Variants in SLC25A21 observed in about 807,000 individuals in gnomAD.
SLC25A21 encodes the protein solute carrier family 25 member 21.
In SLC25A21, 47 loss-of-function variants were observed where a neutral mutation model predicts 43.8. That is an observed-to-expected ratio of 1.07 (90% CI 0.85 to 1.37). The LOEUF is 1.37. SLC25A21 is among the 40% of genes most tolerant of loss of function. The pLI is 0.00. For synonymous variants in SLC25A21, 131 were observed against 121.3 expected, an observed-to-expected ratio of 1.08 and a Z score of -0.52; for missense variants, 352 against 350.2, an observed-to-expected ratio of 1.00 and a Z score of -0.04.
chr14:36,679,569 G>T lies in SLC25A21; in HGVS notation c.*1089C>A. The T allele has an allele frequency of 1.0e-6, 1 of 985,326 alleles. No individual in the cohort carries two copies. The highest frequency in any genetic ancestry group is 1.2e-6 in the Non-Finnish European group (1 of 829,860). The allele number at this position is 985,326 out of a possible 1,614,324, so 61.0% of individuals were successfully genotyped here. A position where few individuals can be genotyped will look rare whatever the true frequency, so the allele number is the denominator to read the frequency against. ...CAAGGAGATATTTTTGTTGATACAT[G>T]TTAGTATAGTAATCCTTAGAAATGC... On this transcript the variant is annotated 3_prime_UTR_variant, in exon 10 of 10. Coordinates refer to ENST00000331299, the MANE Select transcript of SLC25A21 (RefSeq NM_030631.4).
At chr14:37,136,724 TGA>T (rs761399150) in intron 1 of SLC25A21, among the ~76,000 whole-genome samples, 2 of 151,800 alleles carry the variant, frequency 1.3e-5, no homozygotes, top group African/African-American at 2.4e-5. Context: ...ATTCAGCAAT[TGA>T]AAAAAAATGA....
chr14:36,772,200 T>A (rs1886644599), intron 3 of SLC25A21, among the ~76,000 whole-genome samples: 2 of 152,188 alleles, frequency 1.3e-5, no homozygotes, highest in African/African-American at 2.4e-5. Flanking sequence ...TCTTGTAGCC[T>A]GGCACTCAGC....
intron 7 of SLC25A21, among the ~76,000 whole-genome samples, chr14:36,685,434 G>A (rs1336056500): frequency 1.3e-5 from 2 of 152,264 alleles, no homozygotes; most frequent in African/African-American, 2.4e-5. Flanking sequence ...TTATTTTCAC[G>A]TGTAGCTGAT....
chr14:36,891,392 T>C (rs1247074481), intron 1 of SLC25A21, among the ~76,000 whole-genome samples: 1 of 152,176 alleles, frequency 6.6e-6, no homozygotes, highest in Non-Finnish European at 1.5e-5. Context: ...AATTCTGTAT[T>C]CACTCAGTGA....
At chr14:36,893,250 G>A (rs1891132828) in intron 1 of SLC25A21, among the ~76,000 whole-genome samples, 2 of 152,196 alleles carry the variant, frequency 1.3e-5, no homozygotes, top group African/African-American at 4.8e-5. Flanking sequence ...TCTAACTGGT[G>A]TGAGATGATA....
intron 2 of SLC25A21, among the ~76,000 whole-genome samples, chr14:36,847,913 A>G (rs1594637494): frequency 7.1e-6 from 1 of 141,112 alleles, no homozygotes; most frequent in East Asian, 2.0e-4. Flanking sequence ...TGGAAGCGGT[A>G]TGAAGGCTGG....
intron 1 of SLC25A21, among the ~76,000 whole-genome samples, chr14:36,907,131 G>A (rs550710236): frequency 1.6e-4 from 24 of 152,172 alleles, no homozygotes; most frequent in Non-Finnish European, 2.2e-4. Context: ...TAATTGAGAT[G>A]CTATGGAGGA....
chr14:36,686,534 T>G (rs563893577), intron 7 of SLC25A21, among the ~76,000 whole-genome samples: 1 of 152,294 alleles, frequency 6.6e-6, no homozygotes, highest in African/African-American at 2.4e-5. Flanking sequence ...TTAACTCCTA[T>G]CTTACCTCTA....
At position 36,734,313 on chromosome 14, in the gene SLC25A21, T is replaced by TA. The variant is rs978783088; in HGVS notation, c.270+193dup. 2.0e-4 allele frequency among the ~76,000 whole-genome samples: 30 copies of TA among 152,302 alleles called. 1 individual carries two copies. Among genetic ancestry groups the TA allele is most frequent in the African/African-American group, 7.0e-4 (29 of 41,574 alleles). ...TTAGAATGGAATGCTTTTACCTGAT[T>TA]AAAAAAATCTACAAATTGATCTACA... On this transcript the variant is annotated intron_variant, in intron 4 of 9. Coordinates refer to ENST00000331299, the MANE Select transcript of SLC25A21 (RefSeq NM_030631.4).
intron 3 of SLC25A21, among the ~76,000 whole-genome samples, chr14:36,740,113 T>C (rs950741747): frequency 2.6e-5 from 4 of 152,212 alleles, no homozygotes; most frequent in Non-Finnish European, 4.4e-5. Flanking sequence ...AGCACATCCC[T>C]TTCTGAACAA....
At chr14:37,111,935 G>A (rs554097356) in intron 1 of SLC25A21, among the ~76,000 whole-genome samples, 3 of 152,216 alleles carry the variant, frequency 2.0e-5, no homozygotes, top group South Asian at 4.1e-4. Context: ...AGGACAAATC[G>A]TGAAATGGAA....
At chr14:36,904,767 T>C (rs1277520437) in intron 1 of SLC25A21, among the ~76,000 whole-genome samples, 5 of 152,150 alleles carry the variant, frequency 3.3e-5, no homozygotes, top group Non-Finnish European at 2.9e-5. Context: ...ACTCACTTAC[T>C]ATCACGAGAA....
intron 1 of SLC25A21, among the ~76,000 whole-genome samples, chr14:36,996,935 A>G (rs1419635134): frequency 6.6e-6 from 1 of 152,150 alleles, no homozygotes; most frequent in African/African-American, 2.4e-5. Flanking sequence ...AATTTTACCT[A>G]CTTCTACTCA....
intron 1 of SLC25A21, among the ~76,000 whole-genome samples, chr14:37,009,072 T>TCCCCTA (rs1259689393): frequency 6.6e-5 from 10 of 152,210 alleles, no homozygotes; most frequent in African/African-American, 2.4e-4. Flanking sequence ...TTAGTTCTTT[T>TCCCCTA]CCCCTACCCC....
At chr14:36,858,952 T>C (rs573701477) in intron 2 of SLC25A21, among the ~76,000 whole-genome samples, 1 of 152,340 alleles carries the variant, frequency 6.6e-6, no homozygotes, top group South Asian at 2.1e-4. Context: ...GTTTTCAATG[T>C]AACAAGGAAA....
chr14:37,052,874 G>A (rs1304198776), intron 1 of SLC25A21, among the ~76,000 whole-genome samples: 1 of 152,144 alleles, frequency 6.6e-6, no homozygotes, highest in African/African-American at 2.4e-5. Flanking sequence ...CTGGCCTCAA[G>A]TGATCCACCT....
intron 1 of SLC25A21, among the ~76,000 whole-genome samples, chr14:36,879,830 A>G: frequency 6.6e-6 from 1 of 150,628 alleles, no homozygotes; most frequent in Non-Finnish European, 1.5e-5. Flanking sequence ...AAAAAAAAAA[A>G]GTACAAACAT....
chr14:37,000,983 T>C (rs1199591119), intron 1 of SLC25A21, among the ~76,000 whole-genome samples: 1 of 152,152 alleles, frequency 6.6e-6, no homozygotes, highest in Admixed American at 6.6e-5. Flanking sequence ...TATAGCAGTG[T>C]GAAAACAAAC....
At chr14:36,846,718 T>A (rs1006284324) in intron 2 of SLC25A21, among the ~76,000 whole-genome samples, 10 of 152,150 alleles carry the variant, frequency 6.6e-5, no homozygotes, top group African/African-American at 2.4e-4. Flanking sequence ...TATCTGTCCA[T>A]CCATCCATTC....
Sources: allele counts gnomAD v4.1 joint callset (sites outside exome capture counted in the v4.1 genomes callset), GRCh38; gene constraint gnomAD v4.1.1; transcripts MANE v1.5; gene names NCBI Gene and HGNC (gene_info 2026-07-23, HGNC 2026-07-21).